Variants in TMEM232 observed in about 807,000 individuals in gnomAD.
The protein encoded by TMEM232 is transmembrane protein 232.
TMEM232 carries 80 observed loss-of-function variants against 78.8 expected under a neutral mutation model. That is an observed-to-expected ratio of 1.01 (90% CI 0.85 to 1.22). TMEM232 has a LOEUF of 1.22. Among genes scored for constraint, TMEM232 ranks in the 50% most tolerant of loss-of-function variants. TMEM232 has a pLI of 0.00. For missense variants in TMEM232, 881 were observed against 742.2 expected, an observed-to-expected ratio of 1.19 and a Z score of -2.17; for synonymous variants, 297 against 254.3, an observed-to-expected ratio of 1.17 and a Z score of -1.60.
rs116226380 is a variant in TMEM232 at position 110,425,990 on chromosome 5, C to A, written c.1704-1074G>T. ...GGTTTTGCCTGGTTTCTCCAGACTT[C>A]TTTCTTTCCTTTGCTTGCTTGGGTC... On this transcript the variant is annotated intron_variant, in intron 12 of 13. Coordinates refer to ENST00000455884, the MANE Select transcript of TMEM232 (RefSeq NM_001039763.4). Among the ~76,000 whole-genome samples, 1,420 of 152,170 alleles carry A rather than the reference C, an allele frequency of 9.3e-3. 24 individuals are homozygous for A. The highest frequency in any genetic ancestry group is 0.033 in the African/African-American group (1,361 of 41,538).
chr5:110,421,355 C>A (rs1315638031), intron 13 of TMEM232, among the ~76,000 whole-genome samples: 2 of 151,114 alleles, frequency 1.3e-5, no homozygotes, highest in Non-Finnish European at 3.0e-5. Flanking sequence ...TATTGGAAGG[C>A]AAGAGCCATA....
At chr5:110,414,451 A>G (rs762260805) in intron 2 of TMEM232, among the ~76,000 whole-genome samples, 14 of 152,178 alleles carry the variant, frequency 9.2e-5, no homozygotes, top group Admixed American at 1.3e-4. Context: ...ATCTCTATCT[A>G]TATGGTGAAA....
chr5:110,546,210 A>T (rs2149595445), intron 11 of TMEM232, among the ~76,000 whole-genome samples: 1 of 152,244 alleles, frequency 6.6e-6, no homozygotes, highest in Non-Finnish European at 1.5e-5. Flanking sequence ...TCATGGATAA[A>T]AAAACATATG....
chr5:110,438,785 GC>G (rs1246232269), intron 12 of TMEM232, among the ~76,000 whole-genome samples: 1 of 152,018 alleles, frequency 6.6e-6, no homozygotes, highest in East Asian at 1.9e-4. Flanking sequence ...CTGAAGTAGA[GC>G]CATCTAATTC....
chr5:110,679,704 G>C (rs1477415180), intron 1 of TMEM232, among the ~76,000 whole-genome samples: 1 of 151,330 alleles, frequency 6.6e-6, no homozygotes. Flanking sequence ...AAAAAGTTAT[G>C]AGCATAATAT....
chr5:110,549,169 C>T (rs772510656), intron 11 of TMEM232, among the ~76,000 whole-genome samples: 1 of 151,660 alleles, frequency 6.6e-6, no homozygotes, highest in African/African-American at 2.4e-5. Flanking sequence ...AAGGAAAATA[C>T]ACAAATCTAT....
intron 4 of TMEM232, 122 bp downstream of exon 4, chr5:110,640,769 T>C: frequency 1.9e-6 from 1 of 513,044 alleles, no homozygotes; most frequent in Non-Finnish European, 3.2e-6. Context: ...AAATGTATTT[T>C]GATAGAGTAG....
chr5:110,601,030 C>A (rs1780815820), intron 10 of TMEM232, among the ~76,000 whole-genome samples: 1 of 152,260 alleles, frequency 6.6e-6, no homozygotes, highest in African/African-American at 2.4e-5. Context: ...CATAATCCAT[C>A]ATATGAACAG....
rs569846388 is a variant in TMEM232, at chr5:110,670,960, TA to T, written c.-12-3597del. 6.3e-3 allele frequency among the ~76,000 whole-genome samples: 948 copies of T among 151,346 alleles called. 27 individuals are homozygous for T. Among genetic ancestry groups the T allele is most frequent in the Admixed American group, 0.035 (536 of 15,198 alleles). On this transcript the variant is annotated intron_variant, in intron 1 of 13. Coordinates refer to ENST00000455884, the MANE Select transcript of TMEM232 (RefSeq NM_001039763.4). ...TTTGACAAGTGCTTATTGTGAATTA[TA>T]AAAAAAATATGAAGGTAAGATGTTT...
At chr5:110,617,052 A>G (rs1331336184) in intron 8 of TMEM232, among the ~76,000 whole-genome samples, 1 of 152,244 alleles carries the variant, frequency 6.6e-6, no homozygotes, top group Non-Finnish European at 1.5e-5. Flanking sequence ...ATGAATAAAT[A>G]AAGTGTGGTA....
At chr5:110,511,903 G>A (rs1277261843) in intron 12 of TMEM232, among the ~76,000 whole-genome samples, 1 of 152,082 alleles carries the variant, frequency 6.6e-6, no homozygotes, top group Non-Finnish European at 1.5e-5. Flanking sequence ...CCATACCACT[G>A]GTTTTTAGTT....
rs978515165 is a variant in TMEM232 at position 110,424,857 on chromosome 5, G to A, written c.1763C>T (p.Ala588Val). 3 of 1,550,006 alleles carry A rather than the reference G, an allele frequency of 1.9e-6. No homozygotes were observed. Among genetic ancestry groups the A allele is most frequent in the African/African-American group, 2.7e-5 (2 of 72,940 alleles). Residue 588 changes from alanine (A) to valine (V), a missense_variant, in exon 13 of 14, where the codon GCA (alanine) becomes GTA (valine). Ala to Val is a moderately conservative substitution (Grantham distance 64, BLOSUM62 0). Coordinates refer to ENST00000455884, the MANE Select transcript of TMEM232 (RefSeq NM_001039763.4). Reference sequence around the variant, plus strand: ...AATGATTTTTGCCAACTCTTTATCTGCCTTGGTGAAGAAATCTGGATATGG... The same window carrying A: ...AATGATTTTTGCCAACTCTTTATCTACCTTGGTGAAGAAATCTGGATATGG... Reference protein sequence around the residue: ...MFPYPDFFTKADKELAKIIDH... With the variant: ...MFPYPDFFTKVDKELAKIIDH...
intron 12 of TMEM232, among the ~76,000 whole-genome samples, chr5:110,477,249 G>C (rs1186002988): frequency 1.3e-5 from 2 of 151,936 alleles, no homozygotes; most frequent in African/African-American, 4.8e-5. Flanking sequence ...GTTAACCGTA[G>C]ATGGTTGCAC....
intron 7 of TMEM232, among the ~76,000 whole-genome samples, chr5:110,620,591 C>A (rs1004791576): frequency 4.8e-4 from 33 of 69,376 alleles, no homozygotes; most frequent in African/African-American, 1.9e-3. Flanking sequence ...CTCTCTCTCT[C>A]TCTCTCTCTC....
At chr5:110,602,317 G>C (rs1044085078) in intron 10 of TMEM232, among the ~76,000 whole-genome samples, 1 of 152,116 alleles carries the variant, frequency 6.6e-6, no homozygotes, top group Non-Finnish European at 1.5e-5. Flanking sequence ...AAACTAAAGA[G>C]CTTCTGCACG....
chr5:110,608,680 G>A (rs1423526634), intron 8 of TMEM232, among the ~76,000 whole-genome samples: 3 of 152,106 alleles, frequency 2.0e-5, no homozygotes, highest in South Asian at 2.1e-4. Context: ...TAATGCTGCT[G>A]ATCACAAAAT....
intron 12 of TMEM232, among the ~76,000 whole-genome samples, chr5:110,489,725 A>G (rs1005478115): frequency 6.6e-6 from 1 of 152,112 alleles, no homozygotes; most frequent in South Asian, 2.1e-4. Context: ...TTGTTTGCAG[A>G]TGGTATGATC....
chr5:110,481,534 A>C (rs1165496751), intron 12 of TMEM232, among the ~76,000 whole-genome samples: 1 of 152,128 alleles, frequency 6.6e-6, no homozygotes, highest in Non-Finnish European at 1.5e-5. Flanking sequence ...CCGCACACAC[A>C]CATAAACCAC....
chr5:110,645,837 T>C (rs1421361860), intron 2 of TMEM232, among the ~76,000 whole-genome samples: 1 of 150,240 alleles, frequency 6.7e-6, no homozygotes, highest in East Asian at 1.9e-4. Flanking sequence ...AAAAATCTCT[T>C]AGAACTAATA....
Sources: allele counts gnomAD v4.1 joint callset (sites outside exome capture counted in the v4.1 genomes callset), GRCh38; gene constraint gnomAD v4.1.1; transcripts MANE v1.5; gene names NCBI Gene and HGNC (gene_info 2026-07-23, HGNC 2026-07-21).